The following TSPAN3 variants were observed in gnomAD, a reference collection of about 807,000 sequenced individuals.
TSPAN3 encodes the protein tetraspanin 3.
A neutral mutation model predicts 31.1 loss-of-function variants in TSPAN3; 9 were observed. The observed-to-expected ratio is 0.29, with a 90% CI of 0.17 to 0.50. The LOEUF is 0.50. TSPAN3 is among the 20% of genes least tolerant of loss of function. The pLI is 0.98. For missense variants in TSPAN3, 252 were observed against 313.5 expected, an observed-to-expected ratio of 0.80 and a Z score of 1.48; for synonymous variants, 129 against 114.3, an observed-to-expected ratio of 1.13 and a Z score of -0.82.
chr15:77,062,973 G>C (rs1240152373), intron 1 of TSPAN3, among the ~76,000 whole-genome samples: 4 of 152,220 alleles, frequency 2.6e-5, no homozygotes, highest in Non-Finnish European at 5.9e-5. Flanking sequence ...GGTGATACCA[G>C]TTTGCTTTTT....
chr15:77,068,444 A>G (rs1230561849), intron 1 of TSPAN3: 1 of 152,248 alleles, frequency 6.6e-6, no homozygotes, highest in Non-Finnish European at 1.5e-5. Context: ...AGTAAATAAA[A>G]ATCTAATTTA....
At chr15:77,055,700 T>C in intron 3 of TSPAN3, 89 bp downstream of exon 3, 1 of 1,035,638 alleles carries the variant, frequency 9.7e-7, no homozygotes, top group Non-Finnish European at 1.4e-6. Context: ...AAGAAAATGT[T>C]TACTCTGATA....
chr15:77,057,631 T>C (rs1291714516), intron 1 of TSPAN3, among the ~76,000 whole-genome samples: 3 of 152,234 alleles, frequency 2.0e-5, no homozygotes, highest in Non-Finnish European at 2.9e-5. Context: ...TAAAACTCTC[T>C]TCCTCTGGCT....
At position 77,056,217 on chromosome 15, in the gene TSPAN3, G is replaced by A; in HGVS notation, c.102C>T (p.Val34=). Residue 34 remains valine (V), a synonymous_variant, in exon 2 of 7, where the codon GTC becomes GTT. Coordinates refer to ENST00000267970, the MANE Select transcript of TSPAN3 (RefSeq NM_005724.6). The part of the protein sequence containing the change: ...AGILCYVGAY[V]FITYDDYDHF... ...GGTCATAGTCATCATAAGTGATGAA[G>A]ACATAGGCTCCCACATAGCATAAAA... 4 of 1,612,574 alleles carry A rather than the reference G, an allele frequency of 2.5e-6. No homozygotes were observed. The highest frequency in any genetic ancestry group is 3.4e-6 in the Non-Finnish European group (4 of 1,179,514).
chr15:77,060,120 A>C lies in TSPAN3; in HGVS notation c.64-3865T>G, dbSNP rs1824430293. 3.9e-5 allele frequency among the ~76,000 whole-genome samples: 6 copies of C among 152,348 alleles called. No individual in the cohort carries two copies. The South Asian group carries it at 1.0e-3, about 26-fold the overall frequency. Reference sequence around the variant, plus strand: ...TTTTTTTTCCCAGGCTGCAGTCAACATCCAAGTCACACAACAAGATGAGAA... The same window carrying C: ...TTTTTTTTCCCAGGCTGCAGTCAACCTCCAAGTCACACAACAAGATGAGAA... On this transcript the variant is annotated intron_variant, in intron 1 of 6. Transcript: ENST00000267970.
rs1286517948 is a variant in TSPAN3, at chr15:77,049,021, T to C, written c.670-2094A>G. 3.5e-4 allele frequency among the ~76,000 whole-genome samples: 53 copies of C among 152,190 alleles called. 1 individual carries two copies. Among genetic ancestry groups the C allele is most frequent in the Admixed American group, 3.4e-3 (52 of 15,274 alleles). The stretch of plus-strand genomic sequence containing the variant: ...ATTTCATAGTTACAAATTTTTGCTA[T>C]AAACAGCCCATCAATATTGATTAAA... On this transcript the variant is annotated intron_variant, in intron 6 of 6. Coordinates refer to ENST00000267970, the MANE Select transcript of TSPAN3 (RefSeq NM_005724.6).
intron 6 of TSPAN3, 80 bp downstream of exon 6, chr15:77,052,305 T>G: frequency 8.2e-7 from 1 of 1,216,174 alleles, no homozygotes; most frequent in Non-Finnish European, 1.2e-6. Flanking sequence ...AGATTCACTG[T>G]GATGGGGATT....
Position 77,042,356 on chromosome 15 carries a change from C to T in TSPAN3, c.*4479G>A, listed in dbSNP as rs1367062649. 6.6e-6 allele frequency: 1 copy of T among 152,178 alleles called. No individual in the cohort carries two copies. Among genetic ancestry groups the T allele is most frequent in the African/African-American group, 2.4e-5 (1 of 41,442 alleles). The allele number at this position is 152,178 out of a possible 1,614,324, so 9.4% of individuals were successfully genotyped here. On this transcript the variant is annotated 3_prime_UTR_variant, in exon 7 of 7. Transcript: ENST00000267970. ...TGTCAATCATCTATAGGACAAGAAG[C>T]AAAGACACCCCAGCTGCAATAAGCA... is the stretch of plus-strand genomic sequence containing the variant.
chr15:77,065,662 G>C (rs757984724), intron 1 of TSPAN3, among the ~76,000 whole-genome samples: 1 of 152,052 alleles, frequency 6.6e-6, no homozygotes, highest in African/African-American at 2.4e-5. Flanking sequence ...CACCCTTGGC[G>C]TCCCAAAGTG....
At chr15:77,070,657 G>A (rs1288737029) in intron 1 of TSPAN3, among the ~76,000 whole-genome samples, 2 of 151,984 alleles carry the variant, frequency 1.3e-5, no homozygotes, top group Admixed American at 6.5e-5. Context: ...GCTGGAGGCC[G>A]TGGAGTCCCT....
chr15:77,053,356 G>A (rs548382218), intron 4 of TSPAN3, among the ~76,000 whole-genome samples: 4 of 147,770 alleles, frequency 2.7e-5, no homozygotes, highest in Admixed American at 1.4e-4. Context: ...GCTGAGGCAG[G>A]AGAATCACTT....
intron 1 of TSPAN3, among the ~76,000 whole-genome samples, chr15:77,059,183 C>T (rs954419013): frequency 8.5e-5 from 13 of 152,132 alleles, no homozygotes; most frequent in African/African-American, 1.2e-4. Context: ...CCCAGGTTCA[C>T]GCCATTCTCC....
chr15:77,066,091 T>TA (rs2076831162), intron 1 of TSPAN3, among the ~76,000 whole-genome samples: 1 of 152,232 alleles, frequency 6.6e-6, no homozygotes, highest in Non-Finnish European at 1.5e-5. Context: ...AGGTAATTTG[T>TA]ATAACATAGG....
chr15:77,046,731 CA>C lies in TSPAN3; in HGVS notation c.*103del. The C allele has an allele frequency of 1.2e-6, 1 of 813,508 alleles. No individual in the cohort carries two copies. The highest frequency in any genetic ancestry group is 1.6e-5 in the South Asian group (1 of 62,952). 50.4% of individuals were successfully genotyped at this position (813,508 alleles called of 1,614,324 possible). A position where few individuals can be genotyped will look rare whatever the true frequency, so the allele number is the denominator to read the frequency against. On this transcript the variant is annotated 3_prime_UTR_variant, in exon 7 of 7. Transcript: ENST00000267970. ...AGCTGCTCTGTCCAACACCAGTGTA[CA>C]TGTGCTTTAACTAAATGAACTCCAG...
rs2076766239 is a variant in TSPAN3, at chr15:77,055,984, C to T, written c.255+80G>A. 5 of 1,524,028 alleles carry T rather than the reference C, an allele frequency of 3.3e-6. No individual in the cohort carries two copies. In the South Asian group the frequency reaches 5.3e-5, roughly 16 times the overall value. 94.4% of individuals were successfully genotyped at this position (1,524,028 alleles called of 1,614,324 possible). A position where few individuals can be genotyped will look rare whatever the true frequency, so the allele number is the denominator to read the frequency against. On this transcript the variant is annotated intron_variant, in intron 2 of 6. Transcript: ENST00000267970. ...AGTTTAAATGTTAACTCTGTTCCAA[C>T]TATAAGAGCCAAGGAGTCTCATGTT...
chr15:77,070,969 G>A lies in TSPAN3; in HGVS notation c.-15C>T, dbSNP rs1408345241. ...CACTGGCCCATGGCGCCGGTGGCCCGCGAAGGCCCGGCCCGGAGAGCGGGG... is the reference window on the plus strand; with the variant it reads ...CACTGGCCCATGGCGCCGGTGGCCCACGAAGGCCCGGCCCGGAGAGCGGGG... On this transcript the variant is annotated 5_prime_UTR_variant, in exon 1 of 7. Coordinates refer to ENST00000267970, the MANE Select transcript of TSPAN3 (RefSeq NM_005724.6). 2 of 1,423,044 alleles carry A rather than the reference G, an allele frequency of 1.4e-6. No homozygotes were observed. Among genetic ancestry groups the A allele is most frequent in the East Asian group, 3.1e-5 (1 of 31,808 alleles). The allele number at this position is 1,423,044 out of a possible 1,614,324, so 88.2% of individuals were successfully genotyped here. A position where few individuals can be genotyped will look rare whatever the true frequency, so the allele number is the denominator to read the frequency against.
At chr15:77,058,145 C>T (rs2076779632) in intron 1 of TSPAN3, among the ~76,000 whole-genome samples, 1 of 152,180 alleles carries the variant, frequency 6.6e-6, no homozygotes, top group African/African-American at 2.4e-5. Context: ...CCCCCTAAAT[C>T]TTACTTATTG....
intron 6 of TSPAN3, 64 bp downstream of exon 6, chr15:77,052,321 C>G (rs1479713785): frequency 3.5e-6 from 5 of 1,424,274 alleles, no homozygotes; most frequent in Non-Finnish European, 5.0e-6. Flanking sequence ...GGATTAAAAC[C>G]ATTCAGGGCT....
At chr15:77,067,033 C>A (rs1332063028) in intron 1 of TSPAN3, among the ~76,000 whole-genome samples, 1 of 151,890 alleles carries the variant, frequency 6.6e-6, no homozygotes, top group Non-Finnish European at 1.5e-5. Context: ...GTCCCATTCC[C>A]ATGAAAACCC....
Sources: allele counts gnomAD v4.1 joint callset (sites outside exome capture counted in the v4.1 genomes callset), GRCh38; gene constraint gnomAD v4.1.1; transcripts MANE v1.5; gene names NCBI Gene and HGNC (gene_info 2026-07-23, HGNC 2026-07-21).